Variants in MAD1L1 observed in about 807,000 individuals in gnomAD.
The protein encoded by MAD1L1 is mitotic spindle assembly checkpoint protein MAD1.
In MAD1L1, 95 loss-of-function variants were observed where a neutral mutation model predicts 96.9. The ratio of observed to expected loss-of-function variants is 0.98; its 90% CI spans 0.83 to 1.16. The LOEUF (loss-of-function observed/expected upper bound fraction) is 1.16. Among genes scored for constraint, MAD1L1 ranks in the 50% most tolerant of loss-of-function variants. The probability of loss-of-function intolerance (pLI) is 0.00; values close to 1 mark genes in which losing one functional copy is unlikely to be tolerated. For synonymous variants in MAD1L1, 473 were observed against 396.6 expected, an observed-to-expected ratio of 1.19 and a Z score of -2.29; for missense variants, 1,007 against 954.4, an observed-to-expected ratio of 1.06 and a Z score of -0.73.
At chr7:1,828,671 C>T (rs777544762) in intron 18 of MAD1L1, among the ~76,000 whole-genome samples, 4 of 152,092 alleles carry the variant, frequency 2.6e-5, no homozygotes, top group East Asian at 1.9e-4. Flanking sequence ...ACTGTGTCTC[C>T]GAACAGAGCT....
chr7:1,895,998 G>T (rs1786843877), intron 18 of MAD1L1, among the ~76,000 whole-genome samples: 2 of 152,234 alleles, frequency 1.3e-5, no homozygotes, highest in African/African-American at 4.8e-5. Flanking sequence ...AGAGCTGCGG[G>T]GCCCAGGCCA....
chr7:1,959,880 G>C (rs1331588322), intron 15 of MAD1L1, among the ~76,000 whole-genome samples: 1 of 152,192 alleles, frequency 6.6e-6, no homozygotes, highest in African/African-American at 2.4e-5. Context: ...TGGAACAGCA[G>C]CTGCATTTAG....
At chr7:2,012,931 G>A (rs1026428748) in intron 13 of MAD1L1, among the ~76,000 whole-genome samples, 3 of 152,210 alleles carry the variant, frequency 2.0e-5, no homozygotes, top group Non-Finnish European at 2.9e-5. Flanking sequence ...GATGTAGTTT[G>A]GCGACCTCCT....
In MAD1L1 at chr7:1,853,978, C is replaced by T. The variant is rs141928629; in HGVS notation, c.1999-37750G>A. On this transcript the variant is annotated intron_variant, in intron 18 of 18. Coordinates refer to ENST00000265854, the MANE Select transcript of MAD1L1 (RefSeq NM_001013836.2). ...GCTAATAAATGGCTTCTCCTGCTGCCGCCAGCTCCCGGCGCCATTCTCATG... is the reference window on the plus strand; with the variant it reads ...GCTAATAAATGGCTTCTCCTGCTGCTGCCAGCTCCCGGCGCCATTCTCATG... Among the ~76,000 whole-genome samples the T allele has an allele frequency of 9.0e-3, 1,374 of 152,322 alleles. 20 individuals carry two copies. The highest frequency in any genetic ancestry group is 0.029 in the African/African-American group (1,199 of 41,566).
chr7:1,865,751 G>A (rs1038992905), intron 18 of MAD1L1, among the ~76,000 whole-genome samples: 2 of 152,260 alleles, frequency 1.3e-5, no homozygotes, highest in Non-Finnish European at 2.9e-5. Context: ...CCTTGGAGAC[G>A]CAAAGGCACA....
chr7:1,910,864 G>C (rs1306611673), intron 17 of MAD1L1, among the ~76,000 whole-genome samples: 2 of 152,218 alleles, frequency 1.3e-5, no homozygotes, highest in Non-Finnish European at 2.9e-5. Context: ...AGCAGGGAGA[G>C]GGCTCCCTGT....
intron 16 of MAD1L1, among the ~76,000 whole-genome samples, chr7:1,945,844 C>T (rs1345742387): frequency 6.6e-6 from 1 of 152,168 alleles, no homozygotes; most frequent in African/African-American, 2.4e-5. Context: ...AGTCTGGAGG[C>T]AGTGGGGGAG....
At chr7:1,953,105 G>A (rs1050219414) in intron 16 of MAD1L1, among the ~76,000 whole-genome samples, 1 of 152,160 alleles carries the variant, frequency 6.6e-6, no homozygotes, top group Non-Finnish European at 1.5e-5. Flanking sequence ...GCATCTCAGG[G>A]AGGGGGTGAG....
At chr7:1,982,112 C>T (rs1484199578) in intron 14 of MAD1L1, among the ~76,000 whole-genome samples, 3 of 152,114 alleles carry the variant, frequency 2.0e-5, no homozygotes, top group African/African-American at 7.2e-5. Flanking sequence ...TTCTTCCTCC[C>T]ACCACACTTC....
chr7:2,030,838 G>A (rs537819587), intron 12 of MAD1L1, among the ~76,000 whole-genome samples: 4 of 152,280 alleles, frequency 2.6e-5, no homozygotes, highest in East Asian at 1.9e-4. Context: ...CCCAACCTGC[G>A]CCTGGTGCTC....
chr7:1,888,464 G>A (rs1014483930), intron 18 of MAD1L1, among the ~76,000 whole-genome samples: 1 of 149,940 alleles, frequency 6.7e-6, no homozygotes, highest in Non-Finnish European at 1.5e-5. Context: ...ACGCATGTAT[G>A]TGGCTGCCTG....
chr7:1,977,982 C>G (rs1334338251), intron 15 of MAD1L1, among the ~76,000 whole-genome samples: 1 of 152,262 alleles, frequency 6.6e-6, no homozygotes, highest in Admixed American at 6.5e-5. Context: ...GGAGACCACC[C>G]TGCCTCGCGT....
chr7:2,188,514 T>C (rs955135721), intron 10 of MAD1L1, among the ~76,000 whole-genome samples: 1 of 152,160 alleles, frequency 6.6e-6, no homozygotes, highest in African/African-American at 2.4e-5. Flanking sequence ...TGAAATACAG[T>C]AGAGATCCCA....
intron 17 of MAD1L1, among the ~76,000 whole-genome samples, chr7:1,913,167 G>C (rs983134854): frequency 6.6e-6 from 1 of 152,190 alleles, no homozygotes; most frequent in African/African-American, 2.4e-5. Flanking sequence ...AGGCAGCGAG[G>C]CCTCGGATTC....
intron 18 of MAD1L1, among the ~76,000 whole-genome samples, chr7:1,851,531 C>T (rs912355001): frequency 9.2e-5 from 14 of 152,152 alleles, no homozygotes; most frequent in Admixed American, 8.5e-4. Flanking sequence ...TGCTCGGGGC[C>T]CCGGGACAGC....
intron 17 of MAD1L1, among the ~76,000 whole-genome samples, chr7:1,901,330 G>T (rs1373109908): frequency 6.6e-6 from 1 of 152,218 alleles, no homozygotes; most frequent in Non-Finnish European, 1.5e-5. Context: ...CTCTCACGTG[G>T]TCTCCTCCCA....
At chr7:1,892,323 C>T (rs1157446651) in intron 18 of MAD1L1, among the ~76,000 whole-genome samples, 4 of 152,196 alleles carry the variant, frequency 2.6e-5, no homozygotes, top group African/African-American at 9.7e-5. Flanking sequence ...CCCACCAGCA[C>T]GTTCCTCAGC....
intron 11 of MAD1L1, among the ~76,000 whole-genome samples, chr7:2,087,168 T>C (rs1441915438): frequency 6.6e-6 from 1 of 152,136 alleles, no homozygotes; most frequent in Non-Finnish European, 1.5e-5. Context: ...GAATCATGGC[T>C]GTGGTGGGGG....
In MAD1L1 at chr7:2,152,239, C is replaced by T. The variant is rs775050872; in HGVS notation, c.987-3001G>A. On this transcript the variant is annotated intron_variant, in intron 10 of 18. Transcript: ENST00000265854. ...CATCCCTAGGCCCCCAGATCCCTGC[C>T]GGCTCTCAGTCCCCATGCGACCAGG... 9.8e-5 allele frequency among the ~76,000 whole-genome samples: 15 copies of T among 152,300 alleles called. 1 individual carries two copies. The highest frequency in any genetic ancestry group is 2.1e-4 in the South Asian group (1 of 4,822).
Sources: gnomAD v4.1 joint callset for allele counts (sites outside exome capture counted in the v4.1 genomes callset) on GRCh38, gnomAD v4.1.1 for gene constraint, MANE v1.5 for transcripts, NCBI Gene and HGNC (gene_info 2026-07-23, HGNC 2026-07-21) for gene names.